The following C21orf58 variants were observed in gnomAD, a reference collection of about 807,000 sequenced individuals.
C21orf58 encodes uncharacterized protein C21orf58.
In C21orf58, 34 loss-of-function variants were observed where a neutral mutation model predicts 35.8. The observed-to-expected ratio is 0.95, with a 90% CI of 0.72 to 1.26. The LOEUF (loss-of-function observed/expected upper bound fraction) is 1.26. Ranked by LOEUF, C21orf58 falls within the 50% of genes most tolerant of loss-of-function variation. C21orf58 has a pLI of 0.00. For synonymous variants in C21orf58, 191 were observed against 175.8 expected (o/e 1.09, Z -0.68); for missense variants, 440 against 414.3 (o/e 1.06, Z -0.54).
chr21:46,309,974 G>A (rs2082598512), intron 6 of C21orf58, among the ~76,000 whole-genome samples: 1 of 152,202 alleles, frequency 6.6e-6, no homozygotes, highest in Middle Eastern at 3.4e-3. Context: ...TCCAGCCTAG[G>A]CGACAGGCAA....
At chr21:46,320,835 T>C (rs576613861) in intron 1 of C21orf58, 2 of 152,350 alleles carry the variant, frequency 1.3e-5, no homozygotes, top group Admixed American at 1.3e-4. Flanking sequence ...TCTCTTGATG[T>C]GGAATGTTTA....
In C21orf58 at chr21:46,318,090, C is replaced by CCACCTGTAG. The variant is rs2146105569; in HGVS notation, c.230_231insCTACAGGTG (p.Ser77_Ser78insTyrArgTrp). ...CCAGCATGGTGGGAGCTGCAGGAGA[C>CCACCTGTAG]GACTGTAGGGGCAGGGGAGGCCACA... On this transcript the variant is annotated inframe_insertion, in exon 2 of 8. Coordinates refer to ENST00000291691, the MANE Select transcript of C21orf58 (RefSeq NM_058180.5). The CCACCTGTAG allele has an allele frequency of 6.2e-7, 1 of 1,613,314 alleles. No individual in the cohort carries two copies. Among genetic ancestry groups the CCACCTGTAG allele is most frequent in the South Asian group, 1.1e-5 (1 of 91,086 alleles).
At chr21:46,300,987 G>A (rs1344630820), downstream of C21orf58, 9 of 810,230 alleles carry the variant, frequency 1.1e-5, no homozygotes, top group Non-Finnish European at 1.5e-5. Context: ...GGAGTGAGCC[G>A]CCCTTCCACT....
At chr21:46,318,955 C>A (rs1198434440) in intron 1 of C21orf58, 1 of 663,686 alleles carries the variant, frequency 1.5e-6, no homozygotes, top group South Asian at 6.7e-5. Context: ...GCAGCAGGGG[C>A]CCAGACCTGT....
downstream of C21orf58, chr21:46,300,707 C>T: frequency 7.8e-7 from 1 of 1,286,002 alleles, no homozygotes; most frequent in Non-Finnish European, 1.0e-6. Flanking sequence ...CTCTGGTCAT[C>T]CTGTCTCCTA....
At chr21:46,319,542 CA>C (rs1469476125) in intron 1 of C21orf58, among the ~76,000 whole-genome samples, 1 of 152,166 alleles carries the variant, frequency 6.6e-6, no homozygotes, top group Non-Finnish European at 1.5e-5. Context: ...GCAGAAGGAT[CA>C]CTTGAGTCCA....
At chr21:46,317,781 T>G (rs891477370) in intron 2 of C21orf58, among the ~76,000 whole-genome samples, 2 of 152,164 alleles carry the variant, frequency 1.3e-5, no homozygotes, top group African/African-American at 2.4e-5. Flanking sequence ...GCACCGAGGC[T>G]CCCCAGACCC....
At position 46,318,286 on chromosome 21, in the gene C21orf58, G is replaced by A; in HGVS notation, c.101-66C>T. 1.9e-6 allele frequency: 3 copies of A among 1,594,494 alleles called. No individual in the cohort carries two copies. The South Asian group carries it at 3.3e-5, about 18-fold the overall frequency. ...CTCCCTGGACTGCAGTGCCCCAGAA[G>A]CCAGCGCTGGGCGCCGCGTGACAGT... On this transcript the variant is annotated intron_variant, in intron 1 of 7. Coordinates refer to ENST00000291691, the MANE Select transcript of C21orf58 (RefSeq NM_058180.5).
chr21:46,322,536 T>C, intron 1 of C21orf58, 103 bp downstream of exon 1: 1 of 1,313,586 alleles, frequency 7.6e-7, no homozygotes, highest in Admixed American at 3.8e-5. Flanking sequence ...CTTGGCTGTG[T>C]TGCCTGCCTG....
downstream of C21orf58, chr21:46,300,728 T>G (rs1187561000): frequency 6.2e-6 from 8 of 1,288,462 alleles, no homozygotes. Flanking sequence ...CCTGCAAACT[T>G]TCAAAGATGG....
At chr21:46,312,171 A>C (rs1480043248) in intron 5 of C21orf58, among the ~76,000 whole-genome samples, 1 of 152,126 alleles carries the variant, frequency 6.6e-6, no homozygotes, top group African/African-American at 2.4e-5. Flanking sequence ...ACACTGAATA[A>C]ATGGTTGAAT....
intron 6 of C21orf58, among the ~76,000 whole-genome samples, chr21:46,308,244 C>G (rs145277575): frequency 6.6e-5 from 10 of 151,984 alleles, no homozygotes; most frequent in Non-Finnish European, 1.3e-4. Context: ...GGGCAGATCA[C>G]GAGGTCAGGA....
chr21:46,301,956 TG>T lies in C21orf58; in HGVS notation c.*42del. 8 of 1,470,258 alleles carry T rather than the reference TG, an allele frequency of 5.4e-6. No homozygotes were observed. Among genetic ancestry groups the T allele is most frequent in the Non-Finnish European group, 7.2e-6 (8 of 1,112,600 alleles). 91.1% of individuals were successfully genotyped at this position (1,470,258 alleles called of 1,614,324 possible). A position where few individuals can be genotyped will look rare whatever the true frequency, so the allele number is the denominator to read the frequency against. The stretch of plus-strand genomic sequence containing the variant: ...CACAGCCCACAGCCCTGAGGAAGCC[TG>T]GGGGTGGAGGGTGCCCCGGCCAGGG... On this transcript the variant is annotated 3_prime_UTR_variant, in exon 8 of 8. Transcript: ENST00000291691.
chr21:46,305,730 A>G (rs1490725242), intron 6 of C21orf58, among the ~76,000 whole-genome samples: 3 of 151,924 alleles, frequency 2.0e-5, no homozygotes, highest in Non-Finnish European at 4.4e-5. Context: ...ATGAGGTTAG[A>G]AGATCGAGAC....
chr21:46,302,399 A>T, intron 7 of C21orf58, 86 bp downstream of exon 7: 6 of 1,174,312 alleles, frequency 5.1e-6, no homozygotes, highest in Non-Finnish European at 7.4e-6. Context: ...GCCCTTTCAG[A>T]GCTACACAGA....
At chr21:46,315,050 C>A (rs1320894427) in intron 4 of C21orf58, 170 bp from the exon 5 acceptor site, 5 of 1,513,696 alleles carry the variant, frequency 3.3e-6, no homozygotes, top group Non-Finnish European at 4.4e-6. Context: ...GGGTGGCCTC[C>A]TGAAATTGAC....
intron 1 of C21orf58, chr21:46,318,686 T>C (rs1372549171): frequency 3.8e-6 from 4 of 1,045,508 alleles, no homozygotes; most frequent in East Asian, 8.6e-5. Flanking sequence ...TTCAGGAAAT[T>C]GCAGGCAGCA....
At chr21:46,310,908 G>A (rs368849034) in intron 6 of C21orf58, among the ~76,000 whole-genome samples, 10 of 151,466 alleles carry the variant, frequency 6.6e-5, no homozygotes, top group Non-Finnish European at 1.2e-4. Context: ...TCACTCTGTC[G>A]CCCAGGATGG....
At chr21:46,302,390 C>T in intron 7 of C21orf58, 95 bp downstream of exon 7, 12 of 1,124,738 alleles carry the variant, frequency 1.1e-5, no homozygotes, top group Non-Finnish European at 1.5e-5. Flanking sequence ...GCCAGGAATG[C>T]CCTTTCAGAG....
Sources: gnomAD v4.1 joint callset for allele counts (sites outside exome capture counted in the v4.1 genomes callset) on GRCh38, gnomAD v4.1.1 for gene constraint, MANE v1.5 for transcripts, NCBI Gene and HGNC (gene_info 2026-07-23, HGNC 2026-07-21) for gene names.